Variants in PPP3CB observed in about 807,000 individuals in gnomAD.
PPP3CB encodes protein phosphatase 3 catalytic subunit beta.
Under a neutral mutation model 66.4 loss-of-function variants are expected in PPP3CB, and 8 were observed. That is an observed-to-expected ratio of 0.12 (90% CI 0.07 to 0.22). The LOEUF is 0.22. Ranked by LOEUF, PPP3CB falls within the 10% of genes least tolerant of loss-of-function variation. PPP3CB has a pLI of 1.00. For missense variants in PPP3CB, 319 were observed against 642.5 expected (o/e 0.50, Z 5.44); for synonymous variants, 208 against 221.2 (o/e 0.94, Z 0.53).
chr10:73,458,561 G>A (rs1389475265), intron 9 of PPP3CB, among the ~76,000 whole-genome samples: 2 of 151,838 alleles, frequency 1.3e-5, no homozygotes, highest in African/African-American at 2.4e-5. Context: ...TAGCACCCTG[G>A]GAGGCCAAAG....
intron 1 of PPP3CB, among the ~76,000 whole-genome samples, chr10:73,485,836 G>A (rs1400685928): frequency 2.0e-5 from 3 of 151,262 alleles, no homozygotes; most frequent in African/African-American, 7.3e-5. Flanking sequence ...CACCTCCCAG[G>A]TTCAAGCAAT....
At chr10:73,485,609 A>T (rs528135166) in intron 1 of PPP3CB, among the ~76,000 whole-genome samples, 27 of 151,780 alleles carry the variant, frequency 1.8e-4, no homozygotes, top group African/African-American at 6.3e-4. Context: ...ATACTTCTAA[A>T]TTTTTCTCTG....
intron 3 of PPP3CB, 79 bp from the exon 4 acceptor site, chr10:73,475,109 C>T: frequency 6.7e-7 from 1 of 1,501,306 alleles, no homozygotes; most frequent in African/African-American, 1.4e-5. Flanking sequence ...TCCTTTTCCT[C>T]TACTACCCTT....
At chr10:73,477,444 T>C (rs2056809134) in intron 3 of PPP3CB, among the ~76,000 whole-genome samples, 1 of 152,250 alleles carries the variant, frequency 6.6e-6, no homozygotes, top group Admixed American at 6.5e-5. Context: ...ACAATGTAGA[T>C]ATTAAAATGA....
rs889912616 is a variant in PPP3CB at position 73,495,598 on chromosome 10, G to C, written c.85+207C>G. ...GCCACGGAAGCAAAACCTCCGCCCC[G>C]GCCTGAAAGCAACCGGGAGACCGCG... On this transcript the variant is annotated intron_variant, in intron 1 of 13. Transcript: ENST00000360663. The C allele has an allele frequency of 8.0e-6, 5 of 627,324 alleles. No homozygotes were observed. In the African/African-American group the frequency reaches 1.0e-4, roughly 12 times the overall value. The allele number at this position is 627,324 out of a possible 1,614,324, so 38.9% of individuals were successfully genotyped here.
At chr10:73,492,178 A>G (rs2133053117) in intron 1 of PPP3CB, among the ~76,000 whole-genome samples, 1 of 152,306 alleles carries the variant, frequency 6.6e-6, no homozygotes, top group Non-Finnish European at 1.5e-5. Flanking sequence ...TCAATCTGAA[A>G]GTCTGATAAT....
At chr10:73,447,346 T>C (rs1364015073) in intron 10 of PPP3CB, among the ~76,000 whole-genome samples, 1 of 152,222 alleles carries the variant, frequency 6.6e-6, no homozygotes, top group Admixed American at 6.5e-5. Flanking sequence ...CCAAAATAAC[T>C]AAATCCTTGG....
At chr10:73,481,847 G>A (rs2056884923) in intron 1 of PPP3CB, among the ~76,000 whole-genome samples, 1 of 150,714 alleles carries the variant, frequency 6.6e-6, no homozygotes, top group African/African-American at 2.4e-5. Context: ...ACTGGACCTT[G>A]TTTATTTTCC....
At position 73,470,797 on chromosome 10, in the gene PPP3CB, C is replaced by T; in HGVS notation, c.888-16G>A. Reference sequence around the variant, plus strand: ...CATTCTATAGCTGCAAAACAAATAGCTTAATATGCATCGTAAAGCATCAAT... The same window carrying T: ...CATTCTATAGCTGCAAAACAAATAGTTTAATATGCATCGTAAAGCATCAAT... On this transcript the variant is annotated splice_polypyrimidine_tract_variant and intron_variant, in intron 7 of 13. Coordinates refer to ENST00000360663, the MANE Select transcript of PPP3CB (RefSeq NM_021132.4). The T allele has an allele frequency of 3.1e-6, 5 of 1,590,452 alleles. No homozygotes were observed. The highest frequency in any genetic ancestry group is 4.3e-6 in the Non-Finnish European group (5 of 1,161,146).
chr10:73,467,001 T>C (rs1378296895), intron 9 of PPP3CB: 1 of 152,206 alleles, frequency 6.6e-6, no homozygotes, highest in Non-Finnish European at 1.5e-5. Context: ...AAGCCTATTA[T>C]GTACTAACAA....
intron 1 of PPP3CB, among the ~76,000 whole-genome samples, chr10:73,487,409 G>C (rs1016602149): frequency 6.6e-6 from 1 of 151,242 alleles, no homozygotes; most frequent in Non-Finnish European, 1.5e-5. Flanking sequence ...TTAGCGGGGC[G>C]TGGTGGCAGA....
rs148672468 is a variant in PPP3CB, at chr10:73,486,825, C to A, written c.86-7308G>T. Among the ~76,000 whole-genome samples the A allele has an allele frequency of 4.0e-3, 611 of 152,326 alleles. 2 individuals carry two copies. Among genetic ancestry groups the A allele is most frequent in the Non-Finnish European group, 7.3e-3 (497 of 68,030 alleles). On this transcript the variant is annotated intron_variant, in intron 1 of 13. Coordinates refer to ENST00000360663, the MANE Select transcript of PPP3CB (RefSeq NM_021132.4). ...CACTAAGGGAAAAAAAATGCCTCCT[C>A]CTTTGAGATTCATGCCTTCTGGCTA... is the stretch of plus-strand genomic sequence containing the variant.
intron 12 of PPP3CB, 121 bp downstream of exon 12, chr10:73,444,604 C>A (rs758560892): frequency 1.3e-6 from 2 of 1,554,318 alleles, no homozygotes; most frequent in African/African-American, 2.7e-5. Flanking sequence ...TCTAGGTCAG[C>A]TGCTGAGACA....
Position 73,436,459 on chromosome 10 carries a change from A to T in PPP3CB, c.*1783T>A, listed in dbSNP as rs1284218496. ...TATCACTAATATTTTTCTTATTGTT[A>T]GAACACCCAGTAAATTCCCAATACC... On this transcript the variant is annotated 3_prime_UTR_variant, in exon 14 of 14. Transcript: ENST00000360663. 1 of 152,164 alleles carries T rather than the reference A, an allele frequency of 6.6e-6. No homozygotes were observed. The highest frequency in any genetic ancestry group is 6.5e-5 in the Admixed American group (1 of 15,276). The allele number at this position is 152,164 out of a possible 1,614,324, so 9.4% of individuals were successfully genotyped here. A position where few individuals can be genotyped will look rare whatever the true frequency, so the allele number is the denominator to read the frequency against.
chr10:73,447,658 T>C (rs2056279163), intron 10 of PPP3CB, among the ~76,000 whole-genome samples: 5 of 151,998 alleles, frequency 3.3e-5, no homozygotes, highest in Non-Finnish European at 7.4e-5. Context: ...CACAATTACA[T>C]ATAATTAAAA....
At chr10:73,476,027 T>G (rs1333447820) in intron 3 of PPP3CB, among the ~76,000 whole-genome samples, 1 of 151,122 alleles carries the variant, frequency 6.6e-6, no homozygotes, top group Admixed American at 6.6e-5. Flanking sequence ...CAGCTAAGTT[T>G]TTTTTTTTTT....
intron 9 of PPP3CB, among the ~76,000 whole-genome samples, chr10:73,464,258 C>T (rs2056580528): frequency 6.6e-6 from 1 of 152,082 alleles, no homozygotes; most frequent in Admixed American, 6.6e-5. Context: ...ATCTCAATTC[C>T]TATAAAACTA....
Position 73,495,882 on chromosome 10 carries a change from GCGGCCATGCTGGGCCC to G in PPP3CB, c.-9_7del. On this transcript the variant is annotated start_lost and 5_prime_UTR_variant, in exon 1 of 14. Transcript: ENST00000360663. ...CGGTGCAGCCCGGGCCGGCTCCGGGGCGGCCATGCTGGGCCCGGGGCTCGGCTAGGCTCTGGGCCGG... is the reference window on the plus strand; with the variant it reads ...CGGTGCAGCCCGGGCCGGCTCCGGGGGGGGCTCGGCTAGGCTCTGGGCCGG... The G allele has an allele frequency of 2.2e-6, 3 of 1,343,932 alleles. No homozygotes were observed. Among genetic ancestry groups the G allele is most frequent in the Non-Finnish European group, 2.9e-6 (3 of 1,051,030 alleles). The allele number at this position is 1,343,932 out of a possible 1,614,324, so 83.3% of individuals were successfully genotyped here. A position where few individuals can be genotyped will look rare whatever the true frequency, so the allele number is the denominator to read the frequency against.
intron 8 of PPP3CB, among the ~76,000 whole-genome samples, chr10:73,468,826 G>A (rs2056660022): frequency 6.6e-6 from 1 of 152,014 alleles, no homozygotes; most frequent in Non-Finnish European, 1.5e-5. Context: ...AGTTCAAAGT[G>A]GGAAAAAAGA....
Sources: allele counts gnomAD v4.1 joint callset (sites outside exome capture counted in the v4.1 genomes callset), GRCh38; gene constraint gnomAD v4.1.1; transcripts MANE v1.5; gene names NCBI Gene and HGNC (gene_info 2026-07-23, HGNC 2026-07-21).